THSD7A: variants seen among roughly 807,000 people sequenced by gnomAD.
THSD7A encodes the protein thrombospondin type-1 domain-containing protein 7A.
In THSD7A, 96 loss-of-function variants were observed where a neutral mutation model predicts 231.3. The observed-to-expected ratio is 0.41, with a 90% CI of 0.35 to 0.49. THSD7A has a LOEUF of 0.49. THSD7A is among the 20% of genes least tolerant of loss of function. The pLI is 0.05. For missense variants in THSD7A, 2,290 were observed against 2,070.2 expected (o/e 1.11, Z -2.06); for synonymous variants, 940 against 743.3 (o/e 1.26, Z -4.30).
chr7:11,640,913 A>C (rs1055587569), intron 1 of THSD7A, among the ~76,000 whole-genome samples: 3 of 152,126 alleles, frequency 2.0e-5, no homozygotes, highest in African/African-American at 7.2e-5. Context: ...GTATATCTTC[A>C]TTCTTTAGTT....
intron 22 of THSD7A, among the ~76,000 whole-genome samples, chr7:11,403,759 T>C (rs543486307): frequency 7.0e-4 from 107 of 152,308 alleles, no homozygotes; most frequent in African/African-American, 2.2e-3. Context: ...ATGTCAGGCT[T>C]CAAAGATTTA....
At chr7:11,389,550 C>CTGAT (rs1386754372) in intron 23 of THSD7A, among the ~76,000 whole-genome samples, 3 of 148,264 alleles carry the variant, frequency 2.0e-5, no homozygotes, top group African/African-American at 7.5e-5. Flanking sequence ...ACACAGCACA[C>CTGAT]TGATAGGTCT....
chr7:11,402,729 T>C (rs763690587), intron 22 of THSD7A, among the ~76,000 whole-genome samples: 2 of 152,204 alleles, frequency 1.3e-5, no homozygotes, highest in African/African-American at 2.4e-5. Context: ...ATACCATATG[T>C]ACTTTTTGGT....
At chr7:11,524,858 G>C (rs1381923513) in intron 6 of THSD7A, among the ~76,000 whole-genome samples, 1 of 152,152 alleles carries the variant, frequency 6.6e-6, no homozygotes, top group African/African-American at 2.4e-5. Context: ...ACACTATTTT[G>C]TAAAGGAAGA....
At chr7:11,404,712 G>C (rs1201996396) in intron 22 of THSD7A, among the ~76,000 whole-genome samples, 1 of 152,050 alleles carries the variant, frequency 6.6e-6, no homozygotes. Context: ...ACTTTGCCTG[G>C]CTTTAGAAAG....
chr7:11,604,061 A>AGAT (rs1207681292), intron 2 of THSD7A, among the ~76,000 whole-genome samples: 3 of 152,104 alleles, frequency 2.0e-5, no homozygotes, highest in Non-Finnish European at 4.4e-5. Flanking sequence ...AAGATTCTCA[A>AGAT]GATGATGATA....
Position 11,815,112 on chromosome 7 carries a change from T to G in THSD7A, c.190+16645A>C, listed in dbSNP as rs1784643730. The stretch of plus-strand genomic sequence containing the variant: ...AAAAAAAAGAATCTTTTAAAAATCT[T>G]TTCTACCCTCCATTTTTAAGCTTCA... On this transcript the variant is annotated intron_variant, in intron 1 of 27. Coordinates refer to ENST00000423059, the MANE Select transcript of THSD7A (RefSeq NM_015204.3). Among the ~76,000 whole-genome samples the G allele has an allele frequency of 2.0e-5, 3 of 152,008 alleles. No individual in the cohort carries two copies. The South Asian group carries it at 6.2e-4, about 32-fold the overall frequency.
intron 1 of THSD7A, among the ~76,000 whole-genome samples, chr7:11,752,362 C>A (rs191575796): frequency 6.6e-6 from 1 of 152,128 alleles, no homozygotes; most frequent in Admixed American, 6.6e-5. Context: ...TGCACCCCCA[C>A]ATTTTTCTTC....
intron 6 of THSD7A, among the ~76,000 whole-genome samples, chr7:11,513,487 C>T (rs894933889): frequency 6.6e-6 from 1 of 152,084 alleles, no homozygotes; most frequent in Non-Finnish European, 1.5e-5. Flanking sequence ...CTGACTTGTA[C>T]ATGCCATCAT....
At chr7:11,574,450 T>G (rs2128335720) in intron 4 of THSD7A, among the ~76,000 whole-genome samples, 1 of 151,892 alleles carries the variant, frequency 6.6e-6, no homozygotes, top group Admixed American at 6.6e-5. Context: ...TTTTTTTTTT[T>G]TTGAGACAGA....
intron 14 of THSD7A, among the ~76,000 whole-genome samples, chr7:11,427,083 C>A (rs1784345101): frequency 6.6e-6 from 1 of 152,130 alleles, no homozygotes; most frequent in African/African-American, 2.4e-5. Flanking sequence ...TTAATCAGTT[C>A]ATCTGTTTTG....
intron 4 of THSD7A, among the ~76,000 whole-genome samples, chr7:11,552,773 G>A (rs1789684856): frequency 1.3e-5 from 2 of 152,046 alleles, no homozygotes; most frequent in African/African-American, 2.4e-5. Context: ...AGACAAGATG[G>A]TACCGATCAA....
intron 1 of THSD7A, among the ~76,000 whole-genome samples, chr7:11,772,568 A>G (rs144829367): frequency 1.3e-4 from 20 of 152,332 alleles, no homozygotes; most frequent in African/African-American, 4.3e-4. Context: ...TGTCCTTTAC[A>G]TGGATGCAGC....
chr7:11,410,023 T>G (rs1376161835), intron 19 of THSD7A, among the ~76,000 whole-genome samples: 1 of 152,186 alleles, frequency 6.6e-6, no homozygotes, highest in Non-Finnish European at 1.5e-5. Context: ...ATTAGAGGCT[T>G]GAGCCACCCT....
rs543633650 is a variant in THSD7A at position 11,745,356 on chromosome 7, T to C, written c.190+86401A>G. On this transcript the variant is annotated intron_variant, in intron 1 of 27. Transcript: ENST00000423059. ...TTCTGGATATTAGCCCTTAGTCAGATGAGTAGATTGCAAAAATTTTTTTCC... is the reference window on the plus strand; with the variant it reads ...TTCTGGATATTAGCCCTTAGTCAGACGAGTAGATTGCAAAAATTTTTTTCC... Among the ~76,000 whole-genome samples, 28 of 152,052 alleles carry C rather than the reference T, an allele frequency of 1.8e-4. No individual in the cohort carries two copies. In the East Asian group the frequency reaches 5.2e-3, roughly 28 times the overall value.
intron 6 of THSD7A, among the ~76,000 whole-genome samples, chr7:11,508,888 T>C (rs1327937708): frequency 6.6e-6 from 1 of 152,146 alleles, no homozygotes; most frequent in Non-Finnish European, 1.5e-5. Flanking sequence ...ATATATAAAA[T>C]AGTTAAATTC....
At chr7:11,580,762 C>G (rs1213232398) in intron 4 of THSD7A, among the ~76,000 whole-genome samples, 1 of 151,936 alleles carries the variant, frequency 6.6e-6, no homozygotes, top group Admixed American at 6.6e-5. Context: ...GGGAGAGGAT[C>G]AGGAAAAATA....
At chr7:11,529,522 T>C (rs1312001911) in intron 6 of THSD7A, among the ~76,000 whole-genome samples, 1 of 152,082 alleles carries the variant, frequency 6.6e-6, no homozygotes. Flanking sequence ...TGGGGATGGT[T>C]TCCCCCATGC....
intron 1 of THSD7A, among the ~76,000 whole-genome samples, chr7:11,666,186 G>A (rs28647920): frequency 0.21 from 31,765 of 151,790 alleles, 3,806 homozygotes; most frequent in East Asian, 0.36. Flanking sequence ...GCTTGGAGCC[G>A]GAGGTGTTTT....
Sources: allele counts gnomAD v4.1 joint callset (sites outside exome capture counted in the v4.1 genomes callset), GRCh38; gene constraint gnomAD v4.1.1; transcripts MANE v1.5; gene names NCBI Gene and HGNC (gene_info 2026-07-23, HGNC 2026-07-21).